Variants in UGT1A9 observed in about 807,000 individuals in gnomAD.
The protein encoded by UGT1A9 is UDP-glucuronosyltransferase 1A9.
A neutral mutation model predicts 45.0 loss-of-function variants in UGT1A9; 35 were observed. That is an observed-to-expected ratio of 0.78 (90% CI 0.59 to 1.03). The LOEUF is 1.03. UGT1A9 is among the 50% of genes least tolerant of loss of function. The pLI is 0.00. For synonymous variants in UGT1A9, 278 were observed against 250.6 expected (o/e 1.11, Z -1.03); for missense variants, 687 against 666.6 (o/e 1.03, Z -0.34).
intron 1 of UGT1A9, among the ~76,000 whole-genome samples, chr2:233,685,164 G>C (rs2125531270): frequency 6.6e-6 from 1 of 152,218 alleles, no homozygotes; most frequent in Admixed American, 6.5e-5. Flanking sequence ...AACAAGGATG[G>C]TAGATCATCA....
At chr2:233,728,098 T>G (rs1183146949) in intron 1 of UGT1A9, among the ~76,000 whole-genome samples, 2 of 152,208 alleles carry the variant, frequency 1.3e-5, no homozygotes, top group East Asian at 3.9e-4. Context: ...GAAAGGCACA[T>G]ATTTAATTCT....
intron 1 of UGT1A9, chr2:233,754,551 G>A (rs1002351204): frequency 7.8e-6 from 3 of 386,102 alleles, no homozygotes; most frequent in African/African-American, 4.2e-5. Context: ...ATTACTTGGT[G>A]TCAATGGGGA....
At chr2:233,716,805 C>T (rs889271295) in intron 1 of UGT1A9, among the ~76,000 whole-genome samples, 2 of 152,120 alleles carry the variant, frequency 1.3e-5, no homozygotes, top group Non-Finnish European at 2.9e-5. Context: ...TGTCTCTGGA[C>T]GTTGCTGGGG....
intron 1 of UGT1A9, among the ~76,000 whole-genome samples, chr2:233,751,294 T>C (rs985259482): frequency 6.6e-6 from 1 of 151,990 alleles, no homozygotes; most frequent in African/African-American, 2.4e-5. Flanking sequence ...CCATTTGGAA[T>C]GGGAATATTT....
At position 233,718,759 on chromosome 2, in the gene UGT1A9, G is replaced by A; in HGVS notation, c.855+45970G>A. 4 of 1,612,576 alleles carry A rather than the reference G, an allele frequency of 2.5e-6. 1 individual carries two copies. In the Admixed American group the frequency reaches 5.0e-5, roughly 20 times the overall value. On this transcript the variant is annotated intron_variant, in intron 1 of 4. Transcript: ENST00000354728. ...TCAATGACAAGGTAATTAAGGCGAAGGAAACAAATGTAGCAGGCACAGCGT... is the reference window on the plus strand; with the variant it reads ...TCAATGACAAGGTAATTAAGGCGAAAGAAACAAATGTAGCAGGCACAGCGT...
chr2:233,729,571 G>GT (rs780418650), intron 1 of UGT1A9: 6 of 1,613,982 alleles, frequency 3.7e-6, no homozygotes, highest in Non-Finnish European at 4.2e-6. Flanking sequence ...CTTTGATGTG[G>GT]TTTTAACAGA....
At chr2:233,689,095 T>C (rs1172782745) in intron 1 of UGT1A9, among the ~76,000 whole-genome samples, 1 of 152,184 alleles carries the variant, frequency 6.6e-6, no homozygotes, top group Non-Finnish European at 1.5e-5. Flanking sequence ...CCTGTGCCCC[T>C]CCCCACTGCT....
intron 1 of UGT1A9, among the ~76,000 whole-genome samples, chr2:233,736,572 C>T (rs1006388510): frequency 1.3e-5 from 2 of 152,202 alleles, no homozygotes; most frequent in Non-Finnish European, 2.9e-5. Flanking sequence ...GAGCTGTGAT[C>T]CTTTGGAGGA....
chr2:233,748,386 G>A (rs562746713), intron 1 of UGT1A9, among the ~76,000 whole-genome samples: 1 of 151,878 alleles, frequency 6.6e-6, no homozygotes, highest in African/African-American at 2.4e-5. Context: ...GTCCTTCATT[G>A]GGAAGGAGCA....
At chr2:233,761,619 G>A (rs34165552) in intron 1 of UGT1A9, among the ~76,000 whole-genome samples, 1 of 152,358 alleles carries the variant, frequency 6.6e-6, no homozygotes, top group Non-Finnish European at 1.5e-5. Context: ...ATTCTGATAA[G>A]AAGCTAAATC....
chr2:233,768,334 A>G lies in UGT1A9; in HGVS notation c.1190A>G (p.Asn397Ser). 6.2e-7 allele frequency: 1 copy of G among 1,614,208 alleles called. No homozygotes were observed. The highest frequency in any genetic ancestry group is 8.5e-7 in the Non-Finnish European group (1 of 1,180,040). Reference protein sequence around the residue: ...MMPLFGDQMDNAKRMETKGAG... With the variant: ...MMPLFGDQMDSAKRMETKGAG... ...CCCTTGTTTGGTGATCAGATGGACA[A>G]TGCAAAGCGCATGGAGACTAAGGGA... The change falls in exon 4 of 5, where the codon AAT becomes AGT. Residue 397 changes from asparagine (N) to serine (S), a missense_variant. Physicochemically the swap from Asn to Ser is conservative, Grantham distance 46. Transcript: ENST00000354728.
intron 1 of UGT1A9, among the ~76,000 whole-genome samples, chr2:233,711,938 G>C (rs1180593494): frequency 1.3e-5 from 2 of 152,202 alleles, no homozygotes; most frequent in African/African-American, 4.8e-5. Context: ...CATTAGAAAG[G>C]CACACGTTTA....
chr2:233,718,368 T>C (rs1366364618), intron 1 of UGT1A9, among the ~76,000 whole-genome samples: 1 of 152,222 alleles, frequency 6.6e-6, no homozygotes, highest in African/African-American at 2.4e-5. Context: ...TATTCACATA[T>C]GAGAAGAAAG....
chr2:233,742,647 G>A (rs1292075508), intron 1 of UGT1A9: 1 of 152,020 alleles, frequency 6.6e-6, no homozygotes, highest in African/African-American at 2.4e-5. Context: ...GTATACCACC[G>A]ACCAACCATG....
In UGT1A9 at chr2:233,769,480, C is replaced by T. The variant is rs1027796566; in HGVS notation, c.1295+1041C>T. 1.4e-5 allele frequency: 23 copies of T among 1,596,558 alleles called. No homozygotes were observed. Among genetic ancestry groups the T allele is most frequent in the African/African-American group, 1.3e-4 (10 of 74,384 alleles). ...ATTCATATGCGTGTGTGTGTGTGTGCGTGTGTTTATGAGAGTGTCCATTGC... is the reference window on the plus strand; with the variant it reads ...ATTCATATGCGTGTGTGTGTGTGTGTGTGTGTTTATGAGAGTGTCCATTGC... On this transcript the variant is annotated intron_variant, in intron 4 of 4. Coordinates refer to ENST00000354728, the MANE Select transcript of UGT1A9 (RefSeq NM_021027.3). The surrounding 1 kb of genome is among the most constrained non-coding windows in gnomAD (Gnocchi z 4.4).
intron 1 of UGT1A9, among the ~76,000 whole-genome samples, chr2:233,754,141 CATTAA>C (rs911730830): frequency 6.6e-6 from 1 of 152,194 alleles, no homozygotes; most frequent in Admixed American, 6.5e-5. Flanking sequence ...TAAAAGCCAT[CATTAA>C]ATTAAGCCAG....
At chr2:233,722,110 C>T (rs2125686001) in intron 1 of UGT1A9, 2 of 193,306 alleles carry the variant, frequency 1.0e-5, no homozygotes, top group South Asian at 2.1e-4. Flanking sequence ...AGAGGAAGAG[C>T]TATCATCATC....
At chr2:233,725,066 A>G (rs1162787353) in intron 1 of UGT1A9, among the ~76,000 whole-genome samples, 1 of 146,718 alleles carries the variant, frequency 6.8e-6, no homozygotes, top group South Asian at 2.3e-4. Flanking sequence ...GCGCGCCTGC[A>G]ATCGCAGGCA....
At chr2:233,721,428 G>A (rs2076944672) in intron 1 of UGT1A9, 1 of 157,010 alleles carries the variant, frequency 6.4e-6, no homozygotes, top group South Asian at 1.9e-4. Flanking sequence ...TAAGCATTGT[G>A]GTTTTAATGT....
Sources: allele counts gnomAD v4.1 joint callset (sites outside exome capture counted in the v4.1 genomes callset), GRCh38; gene constraint gnomAD v4.1.1; non-coding constraint Gnocchi (gnomAD v3.1); transcripts MANE v1.5; gene names NCBI Gene and HGNC (gene_info 2026-07-23, HGNC 2026-07-21).